The following SDK1 variants were observed in gnomAD, a reference collection of about 807,000 sequenced individuals.
SDK1 encodes the protein protein sidekick-1.
SDK1 carries 157 observed loss-of-function variants against 245.5 expected under a neutral mutation model. The ratio of observed to expected loss-of-function variants is 0.64; its 90% CI spans 0.56 to 0.73. SDK1 has a LOEUF of 0.73. Ranked by LOEUF, SDK1 falls within the 30% of genes least tolerant of loss-of-function variation. SDK1 has a pLI of 0.00. For missense variants in SDK1, 3,583 were observed against 3,002.3 expected, an observed-to-expected ratio of 1.19 and a Z score of -4.52; for synonymous variants, 1,647 against 1,278.5, an observed-to-expected ratio of 1.29 and a Z score of -6.15.
intron 43 of SDK1, among the ~76,000 whole-genome samples, chr7:4,242,155 G>C (rs761189330): frequency 6.6e-6 from 1 of 152,166 alleles, no homozygotes; most frequent in Non-Finnish European, 1.5e-5. Flanking sequence ...GAGGGTCTCA[G>C]GTGTGTGGGA....
At chr7:3,660,379 C>T (rs1429087060) in intron 4 of SDK1, among the ~76,000 whole-genome samples, 2 of 151,180 alleles carry the variant, frequency 1.3e-5, no homozygotes, top group Non-Finnish European at 2.9e-5. Flanking sequence ...ACTTGAATTC[C>T]AGCACTAAAT....
chr7:4,066,974 A>G (rs1779947675), intron 19 of SDK1, among the ~76,000 whole-genome samples: 1 of 152,146 alleles, frequency 6.6e-6, no homozygotes, highest in African/African-American at 2.4e-5. Context: ...GATCCTAGGA[A>G]TGAGTTTATG....
chr7:3,947,568 G>A (rs1583606608), intron 5 of SDK1, among the ~76,000 whole-genome samples: 1 of 137,644 alleles, frequency 7.3e-6, no homozygotes, highest in South Asian at 2.3e-4. Context: ...GTGTGTGTGT[G>A]TATTTTTTTG....
intron 1 of SDK1, among the ~76,000 whole-genome samples, chr7:3,520,918 T>C (rs1055255739): frequency 1.3e-5 from 2 of 152,216 alleles, no homozygotes; most frequent in African/African-American, 4.8e-5. Context: ...ATTTATCATT[T>C]CCCAGTTTTG....
At chr7:3,947,968 ATGTTC>A (rs1467678221) in intron 5 of SDK1, among the ~76,000 whole-genome samples, 2 of 152,138 alleles carry the variant, frequency 1.3e-5, no homozygotes, top group Non-Finnish European at 2.9e-5. Flanking sequence ...CCTCTCTGTA[ATGTTC>A]TTTTTAATTT....
intron 1 of SDK1, among the ~76,000 whole-genome samples, chr7:3,414,740 T>G (rs1392860534): frequency 6.6e-6 from 1 of 152,180 alleles, no homozygotes; most frequent in Non-Finnish European, 1.5e-5. Context: ...TAGCAATTCC[T>G]CCTACTCCTC....
rs753827356 is a variant in SDK1 at position 4,268,763 on chromosome 7, C to CT, written c.*3380dup. ...AGCGTCCTGGTAGCATGGATCCAGT[C>CT]TGAAAGGTGAGGACAACGTGGAAAC... On this transcript the variant is annotated 3_prime_UTR_variant, in exon 45 of 45. Coordinates refer to ENST00000404826, the MANE Select transcript of SDK1 (RefSeq NM_152744.4). The CT allele has an allele frequency of 1.5e-6, 2 of 1,367,046 alleles. No homozygotes were observed. Among genetic ancestry groups the CT allele is most frequent in the South Asian group, 2.3e-5 (2 of 88,024 alleles). The allele number at this position is 1,367,046 out of a possible 1,614,324, so 84.7% of individuals were successfully genotyped here. A position where few individuals can be genotyped will look rare whatever the true frequency, so the allele number is the denominator to read the frequency against.
intron 32 of SDK1, among the ~76,000 whole-genome samples, chr7:4,164,075 G>A (rs1250036240): frequency 6.6e-6 from 1 of 152,182 alleles, no homozygotes; most frequent in Non-Finnish European, 1.5e-5. Context: ...ACCTTTCCAG[G>A]CAATGAAAGA....
intron 1 of SDK1, among the ~76,000 whole-genome samples, chr7:3,467,685 G>A (rs573115124): frequency 1.6e-4 from 24 of 152,080 alleles, no homozygotes; most frequent in African/African-American, 4.8e-4. Flanking sequence ...CAATTTCTTC[G>A]TTTGTGATTT....
chr7:3,870,929 C>A (rs772843054), intron 5 of SDK1, among the ~76,000 whole-genome samples: 1 of 152,148 alleles, frequency 6.6e-6, no homozygotes, highest in Non-Finnish European at 1.5e-5. Flanking sequence ...TGGAAGGGTA[C>A]TGGTCAGTTA....
intron 4 of SDK1, among the ~76,000 whole-genome samples, chr7:3,747,341 TGTAAG>T (rs1030428859): frequency 2.6e-5 from 4 of 152,230 alleles, no homozygotes; most frequent in Admixed American, 6.5e-5. Flanking sequence ...TGTGTGTACT[TGTAAG>T]GGTGGAGTAA....
intron 36 of SDK1, among the ~76,000 whole-genome samples, chr7:4,206,695 C>G (rs146153560): frequency 3.9e-5 from 6 of 152,112 alleles, no homozygotes; most frequent in African/African-American, 1.4e-4. Flanking sequence ...GGCCTGGCCT[C>G]CTTAGAGAGT....
At position 3,953,788 on chromosome 7, in the gene SDK1, A is replaced by G. The variant is rs151179380; in HGVS notation, c.1150+1868A>G. 1.2e-4 allele frequency among the ~76,000 whole-genome samples: 18 copies of G among 152,326 alleles called. No individual in the cohort carries two copies. In the East Asian group the frequency reaches 3.3e-3, roughly 28 times the overall value. On this transcript the variant is annotated intron_variant, in intron 7 of 44. Coordinates refer to ENST00000404826, the MANE Select transcript of SDK1 (RefSeq NM_152744.4). ...AGCACCTCTCCGTGTTCTGACTTTT[A>G]AAGGTACACAAACACACTTCACTTC...
chr7:3,370,868 C>G (rs1483649030), intron 1 of SDK1, among the ~76,000 whole-genome samples: 2 of 152,114 alleles, frequency 1.3e-5, no homozygotes, highest in Non-Finnish European at 2.9e-5. Flanking sequence ...GCCAGTCATA[C>G]CTGGGTCCCT....
intron 35 of SDK1, among the ~76,000 whole-genome samples, chr7:4,201,657 G>T (rs146014663): frequency 2.0e-5 from 3 of 152,130 alleles, no homozygotes; most frequent in Non-Finnish European, 2.9e-5. Flanking sequence ...GGGAGGCTCC[G>T]GTGACAGGAG....
At chr7:3,635,978 ATGTCTTACTCT>A (rs1176928131) in intron 2 of SDK1, among the ~76,000 whole-genome samples, 3 of 152,160 alleles carry the variant, frequency 2.0e-5, no homozygotes, top group Admixed American at 6.6e-5. Context: ...TCCAATCCTC[ATGTCTTACTCT>A]TTTGTTTTTT....
At position 3,800,362 on chromosome 7, in the gene SDK1, C is replaced by CTTATTTAT. The variant is rs201361414; in HGVS notation, c.714-21085_714-21084insTTTATTTA. 4.4e-3 allele frequency among the ~76,000 whole-genome samples: 628 copies of CTTATTTAT among 141,640 alleles called. 7 individuals are homozygous for CTTATTTAT. The highest frequency in any genetic ancestry group is 0.017 in the South Asian group (72 of 4,324). 92.9% of individuals were successfully genotyped at this position (141,640 alleles called of 152,430 possible). A position where few individuals can be genotyped will look rare whatever the true frequency, so the allele number is the denominator to read the frequency against. The stretch of plus-strand genomic sequence containing the variant: ...CTAATCGCCATCTTTTACTTACTTA[C>CTTATTTAT]TTACTTACTTATTTATTTATTTATT... On this transcript the variant is annotated intron_variant, in intron 4 of 44. Transcript: ENST00000404826.
chr7:3,840,996 A>G (rs921280755), intron 5 of SDK1, among the ~76,000 whole-genome samples: 1 of 152,170 alleles, frequency 6.6e-6, no homozygotes, highest in Non-Finnish European at 1.5e-5. Context: ...ATGTGTTATT[A>G]CCAAGAGGCC....
intron 43 of SDK1, among the ~76,000 whole-genome samples, chr7:4,242,378 C>T (rs1350557800): frequency 3.3e-5 from 5 of 152,162 alleles, no homozygotes; most frequent in Non-Finnish European, 7.3e-5. Context: ...ATTCCATACA[C>T]GGATTGAGTG....
Sources: gnomAD v4.1 joint callset for allele counts (sites outside exome capture counted in the v4.1 genomes callset) on GRCh38, gnomAD v4.1.1 for gene constraint, MANE v1.5 for transcripts, NCBI Gene and HGNC (gene_info 2026-07-23, HGNC 2026-07-21) for gene names.